Variants in GRIN2A observed in about 807,000 individuals in gnomAD.
The protein encoded by GRIN2A is glutamate ionotropic receptor NMDA type subunit 2A.
In GRIN2A, 22 loss-of-function variants were observed where a neutral mutation model predicts 113.4. The ratio of observed to expected loss-of-function variants is 0.19; its 90% CI spans 0.14 to 0.28. The LOEUF is 0.28. Ranked by LOEUF, GRIN2A falls within the 10% of genes least tolerant of loss-of-function variation. The pLI is 1.00. For missense variants in GRIN2A, 1,502 were observed against 1,887.0 expected (o/e 0.80, Z 3.78); for synonymous variants, 827 against 738.4 (o/e 1.12, Z -1.94).
At chr16:10,004,335 G>A (rs1263753079) in intron 2 of GRIN2A, among the ~76,000 whole-genome samples, 3 of 150,474 alleles carry the variant, frequency 2.0e-5, no homozygotes, top group Admixed American at 2.0e-4. Context: ...GTTACAGTGA[G>A]CCGAGATCAC....
At chr16:10,048,929 G>T (rs1482722415) in intron 2 of GRIN2A, among the ~76,000 whole-genome samples, 1 of 152,166 alleles carries the variant, frequency 6.6e-6, no homozygotes, top group Non-Finnish European at 1.5e-5. Context: ...TGACGTGGAG[G>T]AAGGAGCCGA....
At chr16:9,996,819 C>T (rs2046231563) in intron 2 of GRIN2A, among the ~76,000 whole-genome samples, 1 of 152,084 alleles carries the variant, frequency 6.6e-6, no homozygotes, top group East Asian at 1.9e-4. Context: ...GATTTCAAAC[C>T]AGGACTCACA....
chr16:10,146,227 C>T (rs1567331804), intron 2 of GRIN2A, among the ~76,000 whole-genome samples: 2 of 152,016 alleles, frequency 1.3e-5, no homozygotes, highest in Non-Finnish European at 2.9e-5. Context: ...AAGCAATTCT[C>T]CTGCCTCAGC....
At chr16:9,960,904 G>C (rs968929354) in intron 2 of GRIN2A, among the ~76,000 whole-genome samples, 4 of 152,170 alleles carry the variant, frequency 2.6e-5, no homozygotes, top group South Asian at 2.1e-4. Context: ...GGGATTACAG[G>C]CATGAGCCAC....
At chr16:9,946,511 A>C (rs1448275528) in intron 2 of GRIN2A, among the ~76,000 whole-genome samples, 4 of 152,074 alleles carry the variant, frequency 2.6e-5, no homozygotes, top group African/African-American at 9.7e-5. Flanking sequence ...TTCATGAAGC[A>C]TGGGCCTCCC....
intron 2 of GRIN2A, among the ~76,000 whole-genome samples, chr16:10,032,475 GAA>G (rs1344706587): frequency 6.6e-6 from 1 of 152,064 alleles, no homozygotes; most frequent in Non-Finnish European, 1.5e-5. Context: ...TTTGCATTAT[GAA>G]AAGTCAGTAT....
At chr16:10,009,071 G>A (rs190106613) in intron 2 of GRIN2A, among the ~76,000 whole-genome samples, 33 of 152,208 alleles carry the variant, frequency 2.2e-4, no homozygotes, top group Middle Eastern at 3.4e-3. Context: ...ATAAAGTCCC[G>A]TATTTATGCT....
chr16:9,807,434 AG>A (rs2042004422), intron 10 of GRIN2A, among the ~76,000 whole-genome samples: 1 of 68,424 alleles, frequency 1.5e-5, no homozygotes, highest in Non-Finnish European at 3.2e-5. Flanking sequence ...AGAGAAAGAG[AG>A]ACAGAGACAG....
chr16:9,783,363 A>C (rs1902039816), intron 11 of GRIN2A, among the ~76,000 whole-genome samples: 1 of 152,222 alleles, frequency 6.6e-6, no homozygotes, highest in East Asian at 1.9e-4. Flanking sequence ...GTCTTTACCC[A>C]AATGTGGGGT....
chr16:10,079,647 G>A (rs1251806555), intron 2 of GRIN2A, among the ~76,000 whole-genome samples: 1 of 152,174 alleles, frequency 6.6e-6, no homozygotes, highest in Non-Finnish European at 1.5e-5. Flanking sequence ...AGCCATCTAT[G>A]AAAAAGGAAG....
At chr16:10,136,106 T>A (rs2049185491) in intron 2 of GRIN2A, among the ~76,000 whole-genome samples, 1 of 152,166 alleles carries the variant, frequency 6.6e-6, no homozygotes, top group Non-Finnish European at 1.5e-5. Flanking sequence ...ACTCTACTTT[T>A]CATCACTCTC....
chr16:9,929,146 G>A (rs1044157537), intron 3 of GRIN2A, among the ~76,000 whole-genome samples: 3 of 152,190 alleles, frequency 2.0e-5, no homozygotes, highest in Non-Finnish European at 4.4e-5. Context: ...AGGCCCTCCT[G>A]AGTCATCATT....
At chr16:9,990,527 CT>C (rs1383139620) in intron 2 of GRIN2A, among the ~76,000 whole-genome samples, 4 of 150,454 alleles carry the variant, frequency 2.7e-5, no homozygotes, top group East Asian at 2.0e-4. Flanking sequence ...CACGCACCCC[CT>C]GAATCTCTCT....
At chr16:9,906,824 A>C (rs887111282) in intron 3 of GRIN2A, among the ~76,000 whole-genome samples, 19 of 152,224 alleles carry the variant, frequency 1.2e-4, no homozygotes, top group South Asian at 2.1e-4. Flanking sequence ...CTCTCAGTGA[A>C]AATCACAAAT....
At chr16:10,058,070 C>T (rs989574338) in intron 2 of GRIN2A, among the ~76,000 whole-genome samples, 2 of 152,006 alleles carry the variant, frequency 1.3e-5, no homozygotes, top group African/African-American at 2.4e-5. Context: ...GCCTGACCAA[C>T]GTGTTGAAAC....
intron 3 of GRIN2A, among the ~76,000 whole-genome samples, chr16:9,926,858 T>C (rs528007488): frequency 1.7e-3 from 262 of 152,232 alleles, no homozygotes; most frequent in African/African-American, 6.1e-3. Context: ...AATATAATTT[T>C]TGTGAAATCT....
intron 11 of GRIN2A, among the ~76,000 whole-genome samples, chr16:9,769,967 A>T (rs1196684008): frequency 6.6e-6 from 1 of 152,168 alleles, no homozygotes; most frequent in East Asian, 1.9e-4. Flanking sequence ...GCCCCTTGCA[A>T]ACTAAACTAT....
chr16:9,804,972 G>C (rs141007165), intron 10 of GRIN2A, among the ~76,000 whole-genome samples: 121 of 152,316 alleles, frequency 7.9e-4, no homozygotes, highest in Non-Finnish European at 1.2e-3. Context: ...CTTTAACCTA[G>C]TGGTTTCCTG....
intron 2 of GRIN2A, among the ~76,000 whole-genome samples, chr16:10,148,177 C>T (rs183234984): frequency 1.3e-5 from 2 of 152,300 alleles, no homozygotes; most frequent in East Asian, 3.9e-4. Context: ...CAGTCCACCA[C>T]CCAGTTTTTG....
Sources: gnomAD v4.1 joint callset for allele counts (sites outside exome capture counted in the v4.1 genomes callset) on GRCh38, gnomAD v4.1.1 for gene constraint, MANE v1.5 for transcripts, NCBI Gene and HGNC (gene_info 2026-07-23, HGNC 2026-07-21) for gene names.